Variants in ZNF23 observed in about 807,000 individuals in gnomAD.
The protein encoded by ZNF23 is kruppel-like zinc finger factor X31.
A neutral mutation model predicts 56.2 loss-of-function variants in ZNF23; 48 were observed. The observed-to-expected ratio is 0.85, with a 90% CI of 0.68 to 1.09. ZNF23 has a LOEUF of 1.09. Among genes scored for constraint, ZNF23 ranks in the 50% least tolerant of loss-of-function variants. The probability of loss-of-function intolerance (pLI) is 0.00; values close to 1 mark genes in which losing one functional copy is unlikely to be tolerated. For missense variants in ZNF23, 805 were observed against 811.4 expected, an observed-to-expected ratio of 0.99 and a Z score of 0.10; for synonymous variants, 266 against 283.3, an observed-to-expected ratio of 0.94 and a Z score of 0.61.
chr16:71,458,409 G>A (rs1203573067), intron 1 of ZNF23, among the ~76,000 whole-genome samples: 1 of 152,158 alleles, frequency 6.6e-6, no homozygotes, highest in Non-Finnish European at 1.5e-5. Flanking sequence ...TCCATATCCA[G>A]AGCTAGTTTG....
chr16:71,453,380 A>G (rs1244362811), intron 3 of ZNF23, 30 bp from the exon 4 acceptor site: 1 of 1,489,386 alleles, frequency 6.7e-7, no homozygotes, highest in Non-Finnish European at 9.2e-7. Flanking sequence ...TAGGAGAGAC[A>G]GATGAATAAA....
At position 71,456,817 on chromosome 16, in the gene ZNF23, G is replaced by C. The variant is rs2043249996; in HGVS notation, c.-21C>G. 1.0e-6 allele frequency: 1 copy of C among 984,998 alleles called. No individual in the cohort carries two copies. Among genetic ancestry groups the C allele is most frequent in the African/African-American group, 1.7e-5 (1 of 57,220 alleles). 61.0% of individuals were successfully genotyped at this position (984,998 alleles called of 1,614,324 possible). On this transcript the variant is annotated 5_prime_UTR_variant, in exon 2 of 5. Transcript: ENST00000647773. ...GCCATCCCCTGGTCCCCGTCTCAGA[G>C]AAGGGCTGGAGCTAAGGAGAAACAC...
chr16:71,449,211 T>G lies in ZNF23; in HGVS notation c.943A>C (p.Arg315=). ...SVNGSLSRHQ[R]IHTGEKPYQC... is the part of the protein sequence containing the mutation. ...TAGGGCTTCTCTCCCGTATGGATTCTCTGATGCCTACTTAGGCTTCCATTA... is the reference window on the plus strand; with the variant it reads ...TAGGGCTTCTCTCCCGTATGGATTCGCTGATGCCTACTTAGGCTTCCATTA... Residue 315 remains arginine (R), a synonymous_variant, in exon 5 of 5, where the codon AGA becomes CGA. Coordinates refer to ENST00000647773, the MANE Select transcript of ZNF23 (RefSeq NM_001381984.1). 6.2e-7 allele frequency: 1 copy of G among 1,614,198 alleles called. No homozygotes were observed. The highest frequency in any genetic ancestry group is 8.5e-7 in the Non-Finnish European group (1 of 1,180,024).
rs1347958171 is a variant in ZNF23, at chr16:71,453,230, G to GTACC, written c.268+9_268+12dup. 1.3e-6 allele frequency: 2 copies of GTACC among 1,588,556 alleles called. No homozygotes were observed. The highest frequency in any genetic ancestry group is 1.3e-5 in the African/African-American group (1 of 74,328). ...TAAATTCCAACAGAGTGGGAAATATGTACCTCCCTTACCAGTCTGGAGGCC... is the reference window on the plus strand; with the variant it reads ...TAAATTCCAACAGAGTGGGAAATATGTACCTACCTCCCTTACCAGTCTGGAGGCC... On this transcript the variant is annotated intron_variant, in intron 4 of 4. Transcript: ENST00000647773.
chr16:71,448,554 G>C lies in ZNF23; in HGVS notation c.1600C>G (p.Leu534Val), dbSNP rs1308323634. Reference sequence around the variant, plus strand: ...GTATGGATTCGGTGATGATCAAGTAGGTTTCTTTTAGAAGTAAAGCATCTC... The same window carrying C: ...GTATGGATTCGGTGATGATCAAGTACGTTTCTTTTAGAAGTAAAGCATCTC... ...CGRCFTSKRNLLDHHRIHTGE... is the reference protein window; with the variant it reads ...CGRCFTSKRNVLDHHRIHTGE... The change falls in exon 5 of 5, where the codon CTA (leucine) becomes GTA (valine). Residue 534 changes from leucine to valine, a missense_variant. By Grantham distance (32) the Leu-to-Val change is conservative (BLOSUM62 1). Transcript: ENST00000647773. 5 of 1,612,886 alleles carry C rather than the reference G, an allele frequency of 3.1e-6. No individual in the cohort carries two copies. The highest frequency in any genetic ancestry group is 4.2e-6 in the Non-Finnish European group (5 of 1,179,798).
chr16:71,449,980 C>T, intron 4 of ZNF23, 95 bp from the exon 5 acceptor site: 1 of 1,028,442 alleles, frequency 9.7e-7, no homozygotes, highest in Non-Finnish European at 1.3e-6. Flanking sequence ...TCAGGGGGCT[C>T]CTTAAAATCA....
At chr16:71,453,416 C>T (rs2043122489) in intron 3 of ZNF23, 66 bp from the exon 4 acceptor site, 2 of 1,238,116 alleles carry the variant, frequency 1.6e-6, no homozygotes, top group African/African-American at 3.0e-5. Flanking sequence ...TCCTAAGCCT[C>T]TTCTCAGACT....
intron 3 of ZNF23, chr16:71,453,837 A>G: frequency 1.6e-6 from 1 of 625,582 alleles, no homozygotes; most frequent in Admixed American, 2.9e-5. Context: ...AACAGTGCAT[A>G]CCAGTTCCAA....
In ZNF23 at chr16:71,449,701, T is replaced by C; in HGVS notation, c.453A>G (p.Gly151=). 6.2e-7 allele frequency: 1 copy of C among 1,613,958 alleles called. No individual in the cohort carries two copies. The highest frequency in any genetic ancestry group is 8.5e-7 in the Non-Finnish European group (1 of 1,180,038). The change falls in exon 5 of 5, where the codon GGA becomes GGG. Residue 151 remains glycine, a synonymous_variant. Transcript: ENST00000647773. ...CGGGGCTTGTCTCATCTTTCACTGT[T>C]CCATCAATGGTGTTGCTCTTCTCCT... ...IKKEKSNTID[G]TVKDETSPVE... is the part of the protein sequence containing the mutation.
chr16:71,460,495 A>G (rs1240744653), intron 1 of ZNF23, among the ~76,000 whole-genome samples: 1 of 152,240 alleles, frequency 6.6e-6, no homozygotes, highest in East Asian at 1.9e-4. Context: ...TTCGGAAATG[A>G]GTAATTCTAA....
In ZNF23 at chr16:71,447,837, C is replaced by T. The variant is rs72795861; in HGVS notation, c.*256G>A. 2.8e-4 allele frequency: 84 copies of T among 296,904 alleles called. No individual in the cohort carries two copies. Among genetic ancestry groups the T allele is most frequent in the Non-Finnish European group, 4.5e-4 (73 of 162,362 alleles). 18.4% of individuals were successfully genotyped at this position (296,904 alleles called of 1,614,324 possible). The stretch of plus-strand genomic sequence containing the variant: ...TAACTGTTTATTTCTAGAAAATCTA[C>T]TTTTCTTGATGCTGCTGGGAACGAA... On this transcript the variant is annotated 3_prime_UTR_variant, in exon 5 of 5. Transcript: ENST00000647773.
rs907619748 is a variant in ZNF23 at position 71,448,657 on chromosome 16, G to C, written c.1497C>G (p.Ala499=). 9 of 1,614,134 alleles carry C rather than the reference G, an allele frequency of 5.6e-6. No homozygotes were observed. In the South Asian group the frequency reaches 9.9e-5, roughly 18 times the overall value. ...KPYECNECGK[A]FSVNGKLMRH... ...GCATTAGTTTCCCATTAACGCTGAAGGCCTTTCCACACTCATTACACTCAT... is the reference window on the plus strand; with the variant it reads ...GCATTAGTTTCCCATTAACGCTGAACGCCTTTCCACACTCATTACACTCAT... The change falls in exon 5 of 5, where the codon GCC becomes GCG. Residue 499 remains alanine, a synonymous_variant. Transcript: ENST00000647773.
intron 3 of ZNF23, 53 bp downstream of exon 3, chr16:71,453,989 A>G: frequency 6.2e-7 from 1 of 1,602,240 alleles, no homozygotes; most frequent in Non-Finnish European, 8.6e-7. Context: ...GGGAGAAGCA[A>G]GCCAGGAACC....
intron 4 of ZNF23, 58 bp downstream of exon 4, chr16:71,453,185 T>TAAA: frequency 7.8e-7 from 1 of 1,285,010 alleles, no homozygotes; most frequent in Non-Finnish European, 1.1e-6. Flanking sequence ...TTGCTAAAGC[T>TAAA]GGCTTTATGC....
intron 3 of ZNF23, 197 bp from the exon 4 acceptor site, chr16:71,453,547 G>A: frequency 1.9e-6 from 1 of 539,140 alleles, no homozygotes; most frequent in East Asian, 3.0e-5. Context: ...AGGGCTTTGG[G>A]AGGCAAATGT....
rs767922004 is a variant in ZNF23, at chr16:71,448,238, C to G, written c.1916G>C (p.Gly639Ala). Reference protein sequence around the residue: ...KPFRCVECGKGFSFSSDYIIH... With the variant: ...KPFRCVECGKAFSFSSDYIIH... ...AATGTAGTCAGAACTAAAGCTGAAG[C>G]CTTTGCCACATTCCACACATCTGAA... The change falls in exon 5 of 5, where the codon GGC (glycine) becomes GCC (alanine). Residue 639 changes from glycine to alanine, a missense_variant. Gly to Ala is a moderately conservative substitution (Grantham distance 60, BLOSUM62 0). Transcript: ENST00000647773. The G allele has an allele frequency of 3.1e-6, 5 of 1,614,086 alleles. No individual in the cohort carries two copies. The highest frequency in any genetic ancestry group is 1.7e-5 in the Admixed American group (1 of 60,012).
chr16:71,449,514 C>T lies in ZNF23; in HGVS notation c.640G>A (p.Glu214Lys). The T allele has an allele frequency of 6.2e-7, 1 of 1,614,136 alleles. No homozygotes were observed. The highest frequency in any genetic ancestry group is 8.5e-7 in the Non-Finnish European group (1 of 1,180,028). The change falls in exon 5 of 5, where the codon GAA (glutamate) becomes AAA (lysine). Residue 214 changes from glutamate (E) to lysine (K), a missense_variant. Physicochemically the swap from Glu to Lys is moderately conservative, Grantham distance 56. Transcript: ENST00000647773. ...INSEERPFKC[E>K]ELVEPFRCDS... ...CACCTAAAGGGCTCTACTAATTCTT[C>T]ACATTTGAAAGGTCTTTCCTCAGAA...
rs187962472 is a variant in ZNF23, at chr16:71,452,992, G to T, written c.268+251C>A. 3.5e-3 allele frequency among the ~76,000 whole-genome samples: 527 copies of T among 152,314 alleles called. 5 individuals carry two copies. Among genetic ancestry groups the T allele is most frequent in the African/African-American group, 0.012 (481 of 41,560 alleles). ...AGTCCCTTAATTTTGTCTGAGAAAG[G>T]CAGGATTCCAAAATTAGCATTGAAG... On this transcript the variant is annotated intron_variant, in intron 4 of 4. Transcript: ENST00000647773.
intron 2 of ZNF23, among the ~76,000 whole-genome samples, chr16:71,454,666 G>T (rs1272993807): frequency 6.6e-6 from 1 of 152,142 alleles, no homozygotes; most frequent in Non-Finnish European, 1.5e-5. Context: ...CCAACAAGGG[G>T]CTGTGCAGCC....
Sources: allele counts gnomAD v4.1 joint callset (sites outside exome capture counted in the v4.1 genomes callset), GRCh38; gene constraint gnomAD v4.1.1; transcripts MANE v1.5; gene names NCBI Gene and HGNC (gene_info 2026-07-23, HGNC 2026-07-21).